The following TM4SF1 variants were observed in gnomAD, a reference collection of about 807,000 sequenced individuals.
TM4SF1 encodes the protein transmembrane 4 L6 family member 1.
In TM4SF1, 20 loss-of-function variants were observed where a neutral mutation model predicts 24.5. That is an observed-to-expected ratio of 0.82 (90% CI 0.57 to 1.19). The LOEUF (loss-of-function observed/expected upper bound fraction) is 1.19, where lower values mean the gene tolerates loss of function less well. Among genes scored for constraint, TM4SF1 ranks in the 50% most tolerant of loss-of-function variants. TM4SF1 has a pLI of 0.00. For missense variants in TM4SF1, 258 were observed against 248.1 expected, an observed-to-expected ratio of 1.04 and a Z score of -0.27; for synonymous variants, 107 against 95.4, an observed-to-expected ratio of 1.12 and a Z score of -0.71.
At position 149,371,839 on chromosome 3, in the gene TM4SF1, C is replaced by T. The variant is rs375587819; in HGVS notation, c.442G>A (p.Glu148Lys). The change falls in exon 4 of 5, where the codon GAG becomes AAG. Residue 148 changes from glutamate (E) to lysine (K), a missense_variant. Physicochemically the swap from Glu to Lys is moderately conservative, Grantham distance 56. Transcript: ENST00000305366. ...QYLLDTSTWS[E>K]CTEPKHIVEW... ...ACAATGTGCTTGGGTTCAGTGCACT[C>T]GGACCATGTGGAGGTATCCAGAAGG... 82 of 1,613,800 alleles carry T rather than the reference C, an allele frequency of 5.1e-5. No individual in the cohort carries two copies. The highest frequency in any genetic ancestry group is 5.0e-5 in the Admixed American group (3 of 59,972).
chr3:149,377,575 C>G lies in TM4SF1; in HGVS notation c.-28G>C. On this transcript the variant is annotated 5_prime_UTR_variant, in exon 1 of 5. Transcript: ENST00000305366. The stretch of plus-strand genomic sequence containing the variant: ...TGGTCTGCTAGGTTTTCTCCCCCTT[C>G]TCTTTGTCTTCAGCTCAGTGATACC... 1.3e-6 allele frequency: 2 copies of G among 1,597,514 alleles called. No homozygotes were observed. Among genetic ancestry groups the G allele is most frequent in the Non-Finnish European group, 1.7e-6 (2 of 1,170,582 alleles).
chr3:149,374,451 G>A (rs945262320), intron 3 of TM4SF1, among the ~76,000 whole-genome samples: 6 of 152,210 alleles, frequency 3.9e-5, no homozygotes, highest in African/African-American at 1.4e-4. Context: ...TCAGAAAGTT[G>A]AGTAGGGAAA....
chr3:149,375,269 T>G (rs1472587004), intron 3 of TM4SF1, among the ~76,000 whole-genome samples, 174 bp downstream of exon 3: 1 of 152,134 alleles, frequency 6.6e-6, no homozygotes, highest in African/African-American at 2.4e-5. Context: ...GGTCGGGGAC[T>G]GGGGATCCAT....
chr3:149,375,607 A>G lies in TM4SF1; in HGVS notation c.268-19T>C. On this transcript the variant is annotated intron_variant, in intron 2 of 4. Coordinates refer to ENST00000305366, the MANE Select transcript of TM4SF1 (RefSeq NM_014220.3). ...AAAGCATCTAGGGAAAAGCAGACAC[A>G]CAGGAAGTGAGCCACAGAGTGCCAC... The G allele has an allele frequency of 6.2e-7, 1 of 1,614,208 alleles. No individual in the cohort carries two copies. The highest frequency in any genetic ancestry group is 1.1e-5 in the South Asian group (1 of 91,086).
Position 149,375,598 on chromosome 3 carries a change from A to C in TM4SF1, c.268-10T>G. ...ATACAGAAGAAAGCATCTAGGGAAAAGCAGACACACAGGAAGTGAGCCACA... is the reference window on the plus strand; with the variant it reads ...ATACAGAAGAAAGCATCTAGGGAAACGCAGACACACAGGAAGTGAGCCACA... On this transcript the variant is annotated splice_polypyrimidine_tract_variant and intron_variant, in intron 2 of 4. Transcript: ENST00000305366. 1 of 1,614,232 alleles carries C rather than the reference A, an allele frequency of 6.2e-7. No homozygotes were observed. The highest frequency in any genetic ancestry group is 8.5e-7 in the Non-Finnish European group (1 of 1,180,030).
Position 149,377,503 on chromosome 3 carries a change from C to A in TM4SF1, c.45G>T (p.Val15=), listed in dbSNP as rs1182151913. ...KCARCIGHSL[V]GLALLCIAAN... ...CCGCGATGCACAGGAGGGCGAGCCCCACCAGAGAATGTCCGATGCATCGTG... is the reference window on the plus strand; with the variant it reads ...CCGCGATGCACAGGAGGGCGAGCCCAACCAGAGAATGTCCGATGCATCGTG... The change falls in exon 1 of 5, where the codon GTG becomes GTT. Residue 15 remains valine (V), a synonymous_variant. Transcript: ENST00000305366. 1.2e-6 allele frequency: 2 copies of A among 1,613,990 alleles called. No individual in the cohort carries two copies. Among genetic ancestry groups the A allele is most frequent in the Non-Finnish European group, 1.7e-6 (2 of 1,180,034 alleles).
intron 1 of TM4SF1, among the ~76,000 whole-genome samples, chr3:149,376,453 G>A (rs1298227638): frequency 6.6e-6 from 1 of 152,106 alleles, no homozygotes; most frequent in Non-Finnish European, 1.5e-5. Context: ...AGGGTCACTT[G>A]GGCCCATGAG....
Position 149,377,555 on chromosome 3 carries a change from T to G in TM4SF1, c.-8A>C. The G allele has an allele frequency of 6.2e-7, 1 of 1,605,918 alleles. No homozygotes were observed. Among genetic ancestry groups the G allele is most frequent in the Non-Finnish European group, 8.5e-7 (1 of 1,175,258 alleles). The stretch of plus-strand genomic sequence containing the variant: ...ACACTTCCCATAGCACATGGTGGTC[T>G]GCTAGGTTTTCTCCCCCTTCTCTTT... On this transcript the variant is annotated 5_prime_UTR_variant, in exon 1 of 5. Coordinates refer to ENST00000305366, the MANE Select transcript of TM4SF1 (RefSeq NM_014220.3).
chr3:149,376,229 G>C (rs1266669784), intron 1 of TM4SF1, among the ~76,000 whole-genome samples: 1 of 152,168 alleles, frequency 6.6e-6, no homozygotes, highest in Non-Finnish European at 1.5e-5. Context: ...CTGCTTCCTT[G>C]ATTATACAAA....
chr3:149,374,139 T>G (rs898580282), intron 3 of TM4SF1, among the ~76,000 whole-genome samples: 1 of 117,360 alleles, frequency 8.5e-6, no homozygotes, highest in African/African-American at 3.4e-5. Context: ...GCAGCCTCTG[T>G]GGGGAACATT....
At chr3:149,374,702 A>G (rs1731906866) in intron 3 of TM4SF1, among the ~76,000 whole-genome samples, 1 of 152,226 alleles carries the variant, frequency 6.6e-6, no homozygotes, top group African/African-American at 2.4e-5. Context: ...TATGTTTTAT[A>G]TGAGTGTATG....
chr3:149,375,891 C>T lies in TM4SF1; in HGVS notation c.178-122G>A, dbSNP rs2108379732. 9 of 837,620 alleles carry T rather than the reference C, an allele frequency of 1.1e-5. No individual in the cohort carries two copies. In the South Asian group the frequency reaches 1.2e-4, roughly 11 times the overall value. 51.9% of individuals were successfully genotyped at this position (837,620 alleles called of 1,614,324 possible). A position where few individuals can be genotyped will look rare whatever the true frequency, so the allele number is the denominator to read the frequency against. ...CATTAACTGGCTTTGATTAGGTTGACCAGATATCTCAAAGAATGTAAACCT... is the reference window on the plus strand; with the variant it reads ...CATTAACTGGCTTTGATTAGGTTGATCAGATATCTCAAAGAATGTAAACCT... On this transcript the variant is annotated intron_variant, in intron 1 of 4. Coordinates refer to ENST00000305366, the MANE Select transcript of TM4SF1 (RefSeq NM_014220.3).
At chr3:149,375,638 C>A in intron 2 of TM4SF1, 42 bp downstream of exon 2, 1 of 1,614,164 alleles carries the variant, frequency 6.2e-7, no homozygotes, top group Non-Finnish European at 8.5e-7. Flanking sequence ...GCCACAGCTA[C>A]ATCTTAGGAG....
Position 149,369,803 on chromosome 3 carries a change from A to G in TM4SF1, c.*63T>C. 3 of 1,603,662 alleles carry G rather than the reference A, an allele frequency of 1.9e-6. No individual in the cohort carries two copies. The highest frequency in any genetic ancestry group is 2.7e-5 in the African/African-American group (2 of 74,472). Reference sequence around the variant, plus strand: ...ATACAAAGTTTTACAAATGAATACAAGTGAAATATATAAATTACAATGAAA... The same window carrying G: ...ATACAAAGTTTTACAAATGAATACAGGTGAAATATATAAATTACAATGAAA... On this transcript the variant is annotated 3_prime_UTR_variant, in exon 5 of 5. Coordinates refer to ENST00000305366, the MANE Select transcript of TM4SF1 (RefSeq NM_014220.3).
At chr3:149,374,570 TA>T (rs200725603) in intron 3 of TM4SF1, among the ~76,000 whole-genome samples, 4 of 151,870 alleles carry the variant, frequency 2.6e-5, no homozygotes, top group East Asian at 1.9e-4. Context: ...GGATAACTGA[TA>T]AAAAAAATAA....
At chr3:149,371,395 C>A in intron 4 of TM4SF1, 2 of 555,790 alleles carry the variant, frequency 3.6e-6, no homozygotes, top group South Asian at 2.5e-5. Flanking sequence ...GTCTCTGCAG[C>A]GAGAGCAGAG....
chr3:149,369,642 C>A lies in TM4SF1; in HGVS notation c.*224G>T. On this transcript the variant is annotated 3_prime_UTR_variant, in exon 5 of 5. Coordinates refer to ENST00000305366, the MANE Select transcript of TM4SF1 (RefSeq NM_014220.3). Reference sequence around the variant, plus strand: ...TTACCCCCAGAGGGTGGTTTGTTTCCTCATTCCTTAAAAAAAAACAAAAAC... The same window carrying A: ...TTACCCCCAGAGGGTGGTTTGTTTCATCATTCCTTAAAAAAAAACAAAAAC... The A allele has an allele frequency of 1.9e-6, 1 of 518,664 alleles. No homozygotes were observed. The highest frequency in any genetic ancestry group is 3.3e-6 in the Non-Finnish European group (1 of 303,384). The allele number at this position is 518,664 out of a possible 1,614,324, so 32.1% of individuals were successfully genotyped here.
intron 1 of TM4SF1, among the ~76,000 whole-genome samples, chr3:149,376,867 G>A (rs1009147280): frequency 1.2e-4 from 18 of 152,190 alleles, no homozygotes; most frequent in African/African-American, 3.9e-4. Flanking sequence ...TTTCCTAGAC[G>A]CCACACCCCA....
rs771075266 is a variant in TM4SF1, at chr3:149,375,782, C to T, written c.178-13G>A. 1.6e-5 allele frequency: 25 copies of T among 1,611,854 alleles called. No individual in the cohort carries two copies. The highest frequency in any genetic ancestry group is 2.1e-5 in the Non-Finnish European group (25 of 1,178,462). ...CTGGCAGGAGCATCTGGTTAGGAAACAAACAAAGTCAGGTCATTGTCTTGC... is the reference window on the plus strand; with the variant it reads ...CTGGCAGGAGCATCTGGTTAGGAAATAAACAAAGTCAGGTCATTGTCTTGC... On this transcript the variant is annotated splice_polypyrimidine_tract_variant and intron_variant, in intron 1 of 4. Coordinates refer to ENST00000305366, the MANE Select transcript of TM4SF1 (RefSeq NM_014220.3).
Sources: gnomAD v4.1 joint callset for allele counts (sites outside exome capture counted in the v4.1 genomes callset) on GRCh38, gnomAD v4.1.1 for gene constraint, MANE v1.5 for transcripts, NCBI Gene and HGNC (gene_info 2026-07-23, HGNC 2026-07-21) for gene names.